CSMD1: variants seen among roughly 807,000 people sequenced by gnomAD.
The protein encoded by CSMD1 is CUB and Sushi multiple domains 1, also known as CUB and sushi domain-containing protein 1.
A neutral mutation model predicts 417.5 loss-of-function variants in CSMD1; 213 were observed. The ratio of observed to expected loss-of-function variants is 0.51; its 90% CI spans 0.46 to 0.57. The LOEUF is 0.57. CSMD1 is among the 20% of genes least tolerant of loss of function. The pLI is 0.00. For missense variants in CSMD1, 6,923 were observed against 4,529.7 expected (o/e 1.53, Z -15.17); for synonymous variants, 2,862 against 1,736.8 (o/e 1.65, Z -16.11).
intron 3 of CSMD1, among the ~76,000 whole-genome samples, chr8:4,234,590 AG>A (rs1801935496): frequency 6.6e-6 from 1 of 152,040 alleles, no homozygotes; most frequent in African/African-American, 2.4e-5. Context: ...TTTTTAATTG[AG>A]TGTTTGTATT....
intron 23 of CSMD1, among the ~76,000 whole-genome samples, chr8:3,308,817 A>G (rs112259889): frequency 0.17 from 23,229 of 139,206 alleles, 1,857 homozygotes; most frequent in Admixed American, 0.23. Context: ...TCCACCTCCC[A>G]GGTTCAAGTG....
intron 49 of CSMD1, among the ~76,000 whole-genome samples, chr8:3,076,139 A>G (rs1418390608): frequency 6.6e-6 from 1 of 152,184 alleles, no homozygotes; most frequent in Non-Finnish European, 1.5e-5. Flanking sequence ...CCATAACAAC[A>G]CACCACAGAA....
At chr8:4,068,522 C>T (rs1296119114) in intron 3 of CSMD1, among the ~76,000 whole-genome samples, 1 of 152,184 alleles carries the variant, frequency 6.6e-6, no homozygotes, top group Non-Finnish European at 1.5e-5. Flanking sequence ...GTTTTTACGA[C>T]ACAAAATGCA....
Position 4,192,184 on chromosome 8 carries a change from T to C in CSMD1, c.416-160085A>G, listed in dbSNP as rs148042772. Among the ~76,000 whole-genome samples, 16 of 152,294 alleles carry C rather than the reference T, an allele frequency of 1.1e-4. 1 individual carries two copies. In the East Asian group the frequency reaches 2.1e-3, roughly 20 times the overall value. Reference sequence around the variant, plus strand: ...AGGCATGTTATAAAGGCTCAACAGATGGCTTTAAAAATCAAAGTTAAAACA... The same window carrying C: ...AGGCATGTTATAAAGGCTCAACAGACGGCTTTAAAAATCAAAGTTAAAACA... On this transcript the variant is annotated intron_variant, in intron 3 of 69. Coordinates refer to ENST00000635120, the MANE Select transcript of CSMD1 (RefSeq NM_033225.6).
intron 48 of CSMD1, among the ~76,000 whole-genome samples, chr8:3,089,257 ACTGGGACAGGTGGATATT>A (rs1203747333): frequency 6.6e-6 from 1 of 152,236 alleles, no homozygotes; most frequent in Non-Finnish European, 1.5e-5. Flanking sequence ...GTGAGAGAAG[ACTGGGACAGGTGGATATT>A]CTGGAATTTC....
chr8:3,183,252 C>T (rs930095486), intron 36 of CSMD1: 2 of 113,996 alleles, frequency 1.8e-5, no homozygotes, highest in East Asian at 4.8e-4. Flanking sequence ...CGGCATCCAT[C>T]CACGTCACAA....
intron 5 of CSMD1, among the ~76,000 whole-genome samples, chr8:3,984,463 T>C (rs939399450): frequency 6.6e-6 from 1 of 152,018 alleles, no homozygotes; most frequent in Non-Finnish European, 1.5e-5. Context: ...TATATGTTTC[T>C]ATAAGGTAAA....
chr8:4,004,736 A>G (rs911757763), intron 4 of CSMD1, among the ~76,000 whole-genome samples: 1 of 151,706 alleles, frequency 6.6e-6, no homozygotes, highest in Admixed American at 6.6e-5. Context: ...ATTATTCTTT[A>G]TTCTTTTTTT....
intron 33 of CSMD1, among the ~76,000 whole-genome samples, chr8:3,196,670 G>A (rs568061912): frequency 1.3e-5 from 2 of 152,248 alleles, no homozygotes; most frequent in Non-Finnish European, 2.9e-5. Flanking sequence ...GGGGGTGAAA[G>A]GTTGGGCAGG....
At chr8:3,101,664 A>T (rs879696243) in intron 46 of CSMD1, among the ~76,000 whole-genome samples, 2 of 151,908 alleles carry the variant, frequency 1.3e-5, no homozygotes, top group Non-Finnish European at 2.9e-5. Flanking sequence ...TGACCTTGTG[A>T]TCCGCTCCCC....
At chr8:4,304,670 C>A (rs1390076821) in intron 3 of CSMD1, among the ~76,000 whole-genome samples, 3 of 152,124 alleles carry the variant, frequency 2.0e-5, no homozygotes, top group Non-Finnish European at 4.4e-5. Flanking sequence ...CACCTATCAG[C>A]AAGGAAACAT....
chr8:4,906,818 A>G lies in CSMD1; in HGVS notation c.85+87514T>C, dbSNP rs1016801434. On this transcript the variant is annotated intron_variant, in intron 1 of 69. Transcript: ENST00000635120. ...CGTGATCTGCCTGCCTCGGCCTCCC[A>G]TAGTGCTGAGATTACAGGCGTGAGC... 7.9e-5 allele frequency among the ~76,000 whole-genome samples: 12 copies of G among 152,212 alleles called. No homozygotes were observed. The South Asian group carries it at 8.3e-4, about 10-fold the overall frequency.
At chr8:4,385,306 T>C (rs533081412) in intron 3 of CSMD1, among the ~76,000 whole-genome samples, 1 of 152,222 alleles carries the variant, frequency 6.6e-6, no homozygotes, top group Non-Finnish European at 1.5e-5. Flanking sequence ...TGTTAAACAA[T>C]GATGTAGTCT....
At chr8:4,750,166 C>A (rs746533089) in intron 1 of CSMD1, among the ~76,000 whole-genome samples, 1 of 151,948 alleles carries the variant, frequency 6.6e-6, no homozygotes, top group African/African-American at 2.4e-5. Context: ...CCACCACGCC[C>A]GGCTAATTTT....
intron 54 of CSMD1, among the ~76,000 whole-genome samples, chr8:2,989,655 T>A (rs964148636): frequency 2.0e-5 from 3 of 152,192 alleles, no homozygotes; most frequent in Admixed American, 6.5e-5. Context: ...AGAGACAGTA[T>A]CTGGGATACA....
intron 2 of CSMD1, among the ~76,000 whole-genome samples, chr8:4,547,743 A>G (rs1445800487): frequency 6.6e-6 from 1 of 152,232 alleles, no homozygotes; most frequent in East Asian, 1.9e-4. Context: ...ATTCTGATAC[A>G]AGGAATTTTG....
At chr8:4,481,346 C>T (rs928793066) in intron 2 of CSMD1, among the ~76,000 whole-genome samples, 2 of 152,182 alleles carry the variant, frequency 1.3e-5, no homozygotes, top group African/African-American at 4.8e-5. Context: ...ATAGCTTAAT[C>T]TATCAAAAGG....
At chr8:4,186,249 C>G (rs1401381617) in intron 3 of CSMD1, among the ~76,000 whole-genome samples, 1 of 152,116 alleles carries the variant, frequency 6.6e-6, no homozygotes, top group African/African-American at 2.4e-5. Flanking sequence ...ATACTCACTG[C>G]AGCAGAGGGG....
intron 3 of CSMD1, among the ~76,000 whole-genome samples, chr8:4,080,911 C>A (rs947340104): frequency 1.3e-5 from 2 of 152,148 alleles, no homozygotes; most frequent in African/African-American, 2.4e-5. Context: ...TATTAAGAGG[C>A]AGGGCCTTTG....
Sources: allele counts gnomAD v4.1 joint callset (sites outside exome capture counted in the v4.1 genomes callset), GRCh38; gene constraint gnomAD v4.1.1; transcripts MANE v1.5; gene names NCBI Gene and HGNC (gene_info 2026-07-23, HGNC 2026-07-21).